GMDS: variants seen among roughly 807,000 people sequenced by gnomAD.
GMDS encodes the protein GDP-mannose 4,6-dehydratase, also known as GDP-mannose 4,6 dehydratase.
Under a neutral mutation model 49.9 loss-of-function variants are expected in GMDS, and 20 were observed. That is an observed-to-expected ratio of 0.40 (90% CI 0.28 to 0.58). The LOEUF is 0.58. GMDS is among the 20% of genes least tolerant of loss of function. GMDS has a pLI of 0.42. For missense variants in GMDS, 362 were observed against 481.4 expected, an observed-to-expected ratio of 0.75 and a Z score of 2.32; for synonymous variants, 177 against 178.6, an observed-to-expected ratio of 0.99 and a Z score of 0.07.
chr6:1,640,135 G>A lies in GMDS; in HGVS notation c.988-15595C>T, dbSNP rs1369139780. On this transcript the variant is annotated intron_variant, in intron 9 of 10. Transcript: ENST00000380815. The surrounding 1 kb of genome is among the most constrained non-coding windows in gnomAD (Gnocchi z 4.0). ...CAGGGGATGCAGTTAGACCCCAGAA[G>A]GATGTACCAGTCCATGGCACCAGCT... Among the ~76,000 whole-genome samples, 2 of 152,148 alleles carry A rather than the reference G, an allele frequency of 1.3e-5. No individual in the cohort carries two copies. The highest frequency in any genetic ancestry group is 1.5e-5 in the Non-Finnish European group (1 of 68,042).
chr6:2,138,110 C>T (rs1776099375), intron 1 of GMDS, among the ~76,000 whole-genome samples: 1 of 151,962 alleles, frequency 6.6e-6, no homozygotes, highest in African/African-American at 2.4e-5. Context: ...TTAAAACATT[C>T]AAAAATATCT....
intron 2 of GMDS, 24 bp downstream of exon 2, chr6:2,124,663 C>T (rs761430492): frequency 6.2e-7 from 1 of 1,604,860 alleles, no homozygotes; most frequent in Admixed American, 1.7e-5. Context: ...CCAGCCTGCG[C>T]CCGCTTCCCA....
chr6:2,088,053 G>A (rs1456905158), intron 4 of GMDS, among the ~76,000 whole-genome samples: 2 of 152,000 alleles, frequency 1.3e-5, no homozygotes, highest in Admixed American at 1.3e-4. Flanking sequence ...ATGCTCATAT[G>A]CTGGAGTGGA....
At chr6:2,152,734 C>T (rs1283915403) in intron 1 of GMDS, among the ~76,000 whole-genome samples, 2 of 151,868 alleles carry the variant, frequency 1.3e-5, no homozygotes, top group Admixed American at 6.6e-5. Flanking sequence ...GGACAGGTGA[C>T]AAAATTATAT....
intron 9 of GMDS, among the ~76,000 whole-genome samples, chr6:1,693,485 C>T (rs1272050962): frequency 6.6e-6 from 1 of 152,238 alleles, no homozygotes; most frequent in Non-Finnish European, 1.5e-5. Context: ...CTAGGGTACT[C>T]GAAGGGCTCA....
At chr6:2,045,712 T>C (rs1317720240) in intron 4 of GMDS, among the ~76,000 whole-genome samples, 1 of 151,944 alleles carries the variant, frequency 6.6e-6, no homozygotes. Context: ...TAATCCTAAA[T>C]GTCATGACAA....
At chr6:1,844,944 A>G (rs1261555802) in intron 7 of GMDS, among the ~76,000 whole-genome samples, 1 of 152,238 alleles carries the variant, frequency 6.6e-6, no homozygotes, top group Non-Finnish European at 1.5e-5. Context: ...GGCCCTATTC[A>G]GGAAGGAAAA....
chr6:1,781,430 G>A (rs938167221), intron 7 of GMDS, among the ~76,000 whole-genome samples: 4 of 152,214 alleles, frequency 2.6e-5, no homozygotes, highest in Non-Finnish European at 5.9e-5. Flanking sequence ...GCCCTGGCCT[G>A]GGCTTCTAGC....
chr6:1,744,534 A>C (rs1767406502), intron 7 of GMDS, among the ~76,000 whole-genome samples: 1 of 151,630 alleles, frequency 6.6e-6, no homozygotes, highest in Non-Finnish European at 1.5e-5. Flanking sequence ...GGGATAGTCC[A>C]CACAAGCAGA....
chr6:2,192,621 C>A (rs552889468), intron 1 of GMDS, among the ~76,000 whole-genome samples: 121 of 152,306 alleles, frequency 7.9e-4, no homozygotes, highest in African/African-American at 2.8e-3. Flanking sequence ...TCCTTGGTGC[C>A]AGCTGGGGAA....
intron 1 of GMDS, among the ~76,000 whole-genome samples, chr6:2,240,388 A>G (rs147951182): frequency 1.7e-3 from 260 of 152,344 alleles, no homozygotes; most frequent in Non-Finnish European, 3.0e-3. Flanking sequence ...TTCCTATTTG[A>G]TAAGAATTAT....
chr6:1,789,884 T>C (rs909300675), intron 7 of GMDS, among the ~76,000 whole-genome samples: 3 of 152,216 alleles, frequency 2.0e-5, no homozygotes, highest in Non-Finnish European at 4.4e-5. Context: ...CATAGCTAAA[T>C]ATTATGCTAG....
At chr6:1,943,978 ACTC>A (rs2127265167) in intron 6 of GMDS, among the ~76,000 whole-genome samples, 1 of 152,222 alleles carries the variant, frequency 6.6e-6, no homozygotes, top group South Asian at 2.1e-4. Flanking sequence ...TCTGAAATCA[ACTC>A]CTTTTTGCAG....
At chr6:1,684,171 T>C (rs943105755) in intron 9 of GMDS, among the ~76,000 whole-genome samples, 2 of 152,080 alleles carry the variant, frequency 1.3e-5, no homozygotes, top group Non-Finnish European at 2.9e-5. Context: ...GTCACAGAAG[T>C]AGTGACTTCA....
rs78315529 is a variant in GMDS at position 1,687,615 on chromosome 6, G to A, written c.987+38801C>T. On this transcript the variant is annotated intron_variant, in intron 9 of 10. Coordinates refer to ENST00000380815, the MANE Select transcript of GMDS (RefSeq NM_001500.4). ...CTAGGGAGAGAGTTGCCAGCACAATGGACAGGGCCCTTAGCCATGCAGCTT... is the reference window on the plus strand; with the variant it reads ...CTAGGGAGAGAGTTGCCAGCACAATAGACAGGGCCCTTAGCCATGCAGCTT... 6.1e-4 allele frequency among the ~76,000 whole-genome samples: 93 copies of A among 152,206 alleles called. 1 individual carries two copies. In the East Asian group the frequency reaches 0.017, roughly 28 times the overall value.
intron 9 of GMDS, among the ~76,000 whole-genome samples, chr6:1,692,467 A>G (rs1469778295): frequency 2.0e-5 from 3 of 152,188 alleles, no homozygotes; most frequent in South Asian, 2.1e-4. Flanking sequence ...TTGGAAAAAA[A>G]TGTTTAGCAT....
At chr6:2,083,238 G>A (rs1409154240) in intron 4 of GMDS, among the ~76,000 whole-genome samples, 1 of 152,170 alleles carries the variant, frequency 6.6e-6, no homozygotes, top group Non-Finnish European at 1.5e-5. Context: ...GTAAACGCTA[G>A]TATCTTCCTT....
intron 7 of GMDS, among the ~76,000 whole-genome samples, chr6:1,746,743 C>T (rs1767514336): frequency 6.6e-6 from 1 of 151,834 alleles, no homozygotes; most frequent in Non-Finnish European, 1.5e-5. Context: ...GCTCTGTCGC[C>T]CAGGCTGGAG....
intron 1 of GMDS, among the ~76,000 whole-genome samples, chr6:2,194,091 T>C (rs540428820): frequency 1.3e-5 from 2 of 152,230 alleles, no homozygotes; most frequent in Admixed American, 6.5e-5. Context: ...TTCAGCATGA[T>C]GTAAGTCAAG....
Sources: gnomAD v4.1 joint callset for allele counts (sites outside exome capture counted in the v4.1 genomes callset) on GRCh38, gnomAD v4.1.1 for gene constraint, Gnocchi (gnomAD v3.1) non-coding constraint, MANE v1.5 for transcripts, NCBI Gene and HGNC (gene_info 2026-07-23, HGNC 2026-07-21) for gene names.